Variants in ULK4 observed in about 807,000 individuals in gnomAD.
The protein encoded by ULK4 is unc-51 like kinase 4.
A neutral mutation model predicts 160.6 loss-of-function variants in ULK4; 133 were observed. That is an observed-to-expected ratio of 0.83 (90% CI 0.72 to 0.96). The LOEUF (loss-of-function observed/expected upper bound fraction) is 0.96, where lower values mean the gene tolerates loss of function less well. Among genes scored for constraint, ULK4 ranks in the 40% least tolerant of loss-of-function variants. The pLI, the probability that ULK4 is intolerant of heterozygous loss-of-function variation, is 0.00. For synonymous variants in ULK4, 534 were observed against 539.8 expected (o/e 0.99, Z 0.15); for missense variants, 1,580 against 1,499.5 (o/e 1.05, Z -0.89).
At chr3:41,510,620 TA>T (rs1317838667) in intron 32 of ULK4, among the ~76,000 whole-genome samples, 9 of 152,108 alleles carry the variant, frequency 5.9e-5, no homozygotes, top group Admixed American at 1.3e-4. Context: ...AAATCGAAAT[TA>T]TATCTAGCAC....
intron 31 of ULK4, among the ~76,000 whole-genome samples, chr3:41,573,105 T>A (rs182099196): frequency 6.6e-6 from 1 of 152,344 alleles, no homozygotes; most frequent in East Asian, 1.9e-4. Flanking sequence ...AAACACTTGA[T>A]GGCTCTAATA....
intron 35 of ULK4, among the ~76,000 whole-genome samples, chr3:41,366,749 G>A (rs2081261733): frequency 6.6e-6 from 1 of 152,100 alleles, no homozygotes; most frequent in Admixed American, 6.5e-5. Context: ...ACAATGTGGG[G>A]GAAATGTCCA....
chr3:41,501,642 T>A lies in ULK4; in HGVS notation c.3227-38389A>T, dbSNP rs145553814. Among the ~76,000 whole-genome samples the A allele has an allele frequency of 2.3e-3, 358 of 152,344 alleles. 11 individuals are homozygous for A. The East Asian group carries it at 0.065, about 28-fold the overall frequency. On this transcript the variant is annotated intron_variant, in intron 32 of 36. Transcript: ENST00000301831. ...CAAGCTAATTCACATAACTATCACCTCACATACATTTTTGTAGCCAGAATA... is the reference window on the plus strand; with the variant it reads ...CAAGCTAATTCACATAACTATCACCACACATACATTTTTGTAGCCAGAATA...
chr3:41,644,036 T>G (rs1019085000), intron 30 of ULK4, among the ~76,000 whole-genome samples: 5 of 152,362 alleles, frequency 3.3e-5, no homozygotes, highest in African/African-American at 1.2e-4. Context: ...TGTTGTATAT[T>G]GATTTTGTAT....
intron 32 of ULK4, among the ~76,000 whole-genome samples, 155 bp downstream of exon 32, chr3:41,565,870 T>A (rs1278291935): frequency 1.3e-5 from 2 of 152,140 alleles, no homozygotes; most frequent in Admixed American, 1.3e-4. Context: ...AGAGAAACCA[T>A]CCCACAATTC....
intron 31 of ULK4, among the ~76,000 whole-genome samples, chr3:41,587,729 A>G (rs1326277504): frequency 6.6e-6 from 1 of 152,228 alleles, no homozygotes; most frequent in Non-Finnish European, 1.5e-5. Flanking sequence ...CCAGTGCTTA[A>G]TAATATTACT....
intron 32 of ULK4, among the ~76,000 whole-genome samples, chr3:41,542,823 A>T (rs965137313): frequency 1.3e-5 from 2 of 152,114 alleles, no homozygotes; most frequent in East Asian, 3.9e-4. Flanking sequence ...TATTTCTAGT[A>T]TTCTCTGATA....
chr3:41,939,883 C>T (rs575617746), intron 2 of ULK4, among the ~76,000 whole-genome samples: 25 of 152,250 alleles, frequency 1.6e-4, no homozygotes, highest in Admixed American at 5.9e-4. Flanking sequence ...ATCTAGGCTG[C>T]GCACTCCTTA....
At position 41,928,536 on chromosome 3, in the gene ULK4, C is replaced by CAAAA. The variant is rs35116501; in HGVS notation, c.541+3304_541+3307dup. ...GGAGATACAGACACGAAAAACCCTT[C>CAAAA]AAAAAAAAAATCAATGAATCTAGGA... On this transcript the variant is annotated intron_variant, in intron 5 of 36. Transcript: ENST00000301831. Among the ~76,000 whole-genome samples the CAAAA allele has an allele frequency of 8.4e-3, 1,185 of 141,302 alleles. 12 individuals carry two copies. Among genetic ancestry groups the CAAAA allele is most frequent in the African/African-American group, 0.02 (777 of 38,728 alleles). The allele number at this position is 141,302 out of a possible 152,430, so 92.7% of individuals were successfully genotyped here.
At chr3:41,877,799 T>C (rs554396513) in intron 17 of ULK4, among the ~76,000 whole-genome samples, 2 of 151,830 alleles carry the variant, frequency 1.3e-5, no homozygotes, top group African/African-American at 4.8e-5. Context: ...CTGGCCAACA[T>C]GGTGAAACCC....
At chr3:41,384,507 T>G (rs907695924) in intron 35 of ULK4, among the ~76,000 whole-genome samples, 1 of 152,106 alleles carries the variant, frequency 6.6e-6, no homozygotes, top group Non-Finnish European at 1.5e-5. Context: ...CTGGGCAATA[T>G]AGGGAAATCC....
intron 30 of ULK4, among the ~76,000 whole-genome samples, chr3:41,657,184 G>A (rs1290924074): frequency 2.0e-5 from 3 of 151,952 alleles, no homozygotes; most frequent in South Asian, 2.1e-4. Flanking sequence ...GATTATGCTC[G>A]TCCCTCACTT....
At chr3:41,335,057 A>AT (rs2080526413) in intron 35 of ULK4, among the ~76,000 whole-genome samples, 1 of 152,236 alleles carries the variant, frequency 6.6e-6, no homozygotes, top group Admixed American at 6.5e-5. Context: ...TACACAAATA[A>AT]GAAAAACAAA....
rs113099382 is a variant in ULK4, at chr3:41,270,268, G to C, written c.3679-20694C>G. On this transcript the variant is annotated intron_variant, in intron 35 of 36. Coordinates refer to ENST00000301831, the MANE Select transcript of ULK4 (RefSeq NM_017886.4). ...TAACCAGGAAAGAGTGTGAGAGCTG[G>C]GGCTGGAGAGTCATGCTAAGTACTC... 4.6e-5 allele frequency among the ~76,000 whole-genome samples: 7 copies of C among 152,248 alleles called. 1 individual carries two copies. The highest frequency in any genetic ancestry group is 1.7e-4 in the African/African-American group (7 of 41,534).
At chr3:41,455,684 A>C in intron 33 of ULK4, 89 bp from the exon 34 acceptor site, 1 of 1,162,780 alleles carries the variant, frequency 8.6e-7, no homozygotes, top group South Asian at 1.3e-5. Flanking sequence ...GGGCAGACAC[A>C]AGGGGCTGAG....
At chr3:41,353,120 G>A (rs990586104) in intron 35 of ULK4, among the ~76,000 whole-genome samples, 1 of 152,160 alleles carries the variant, frequency 6.6e-6, no homozygotes, top group African/African-American at 2.4e-5. Flanking sequence ...CCAGGATACT[G>A]TCTCCTGCCT....
chr3:41,320,642 T>C (rs1694455394), intron 35 of ULK4, among the ~76,000 whole-genome samples: 1 of 128,370 alleles, frequency 7.8e-6, no homozygotes, highest in Non-Finnish European at 1.7e-5. Context: ...TAGGGCTGGG[T>C]GCAGCGGCTC....
chr3:41,847,627 T>G (rs2042101430), intron 17 of ULK4, among the ~76,000 whole-genome samples: 1 of 152,224 alleles, frequency 6.6e-6, no homozygotes, highest in Non-Finnish European at 1.5e-5. Context: ...TGATACCACT[T>G]TGCCCTTTGT....
chr3:41,290,157 G>A (rs901484967), intron 35 of ULK4, among the ~76,000 whole-genome samples: 2 of 152,136 alleles, frequency 1.3e-5, no homozygotes, highest in Non-Finnish European at 2.9e-5. Context: ...TTACAGGCGT[G>A]AGCCACCATG....
Sources: allele counts gnomAD v4.1 joint callset (sites outside exome capture counted in the v4.1 genomes callset), GRCh38; gene constraint gnomAD v4.1.1; transcripts MANE v1.5; gene names NCBI Gene and HGNC (gene_info 2026-07-23, HGNC 2026-07-21).